TEX11: variants seen among roughly 807,000 people sequenced by gnomAD.
The protein encoded by TEX11 is testis expressed 11, also known as testis-expressed protein 11.
Under a neutral mutation model 84.4 loss-of-function variants are expected in TEX11, and 7 were observed. That is an observed-to-expected ratio of 0.08 (90% CI 0.05 to 0.16). The LOEUF is 0.16. Among genes scored for constraint, TEX11 ranks in the 10% least tolerant of loss-of-function variants. TEX11 has a pLI of 1.00. For synonymous variants in TEX11, 264 were observed against 222.8 expected (o/e 1.18, Z -1.64); for missense variants, 551 against 660.5 (o/e 0.83, Z 1.82).
chrX:70,717,296 T>C (rs1245143582), intron 13 of TEX11, among the ~76,000 whole-genome samples: 1 of 111,451 alleles, frequency 9.0e-6, no homozygotes, highest in African/African-American at 3.3e-5. Flanking sequence ...GCTTAGTCCA[T>C]TACAGAACTT....
intron 7 of TEX11, among the ~76,000 whole-genome samples, chrX:70,836,662 C>T (rs1177997426): frequency 6.3e-5 from 7 of 111,913 alleles, no homozygotes; most frequent in Admixed American, 5.7e-4. Flanking sequence ...AAAAATTGGT[C>T]ACAATACCAA....
chrX:70,587,161 C>A (rs1422494653), intron 25 of TEX11, among the ~76,000 whole-genome samples: 1 of 112,132 alleles, frequency 8.9e-6, no homozygotes, highest in Non-Finnish European at 1.9e-5. Context: ...TTCAGCCTGA[C>A]AATGCAACTG....
At chrX:70,731,036 C>T (rs992591205) in intron 11 of TEX11, among the ~76,000 whole-genome samples, 1 of 111,821 alleles carries the variant, frequency 8.9e-6, no homozygotes, top group East Asian at 2.8e-4. Context: ...AACTGAACAA[C>T]CTGCTCCTGA....
chrX:70,823,032 C>T (rs749325921), intron 8 of TEX11, among the ~76,000 whole-genome samples: 30 of 105,085 alleles, frequency 2.9e-4, no homozygotes, highest in African/African-American at 9.8e-4. Context: ...GGGTGGGGGG[C>T]GGGTGGCGTC....
intron 28 of TEX11, among the ~76,000 whole-genome samples, chrX:70,549,512 C>G (rs140316246): frequency 1.7e-3 from 193 of 111,614 alleles, no homozygotes; most frequent in Middle Eastern, 9.2e-3. Context: ...ATTTCTGTAC[C>G]TGTCCTGGGC....
At chrX:70,818,486 G>A (rs2091301724) in intron 8 of TEX11, among the ~76,000 whole-genome samples, 1 of 110,724 alleles carries the variant, frequency 9.0e-6, no homozygotes, top group African/African-American at 3.3e-5. Context: ...CAAAGTGAAG[G>A]AAAAGGAGAA....
At chrX:70,554,137 G>T (rs1285964255) in intron 26 of TEX11, among the ~76,000 whole-genome samples, 1 of 111,819 alleles carries the variant, frequency 8.9e-6, no homozygotes, top group African/African-American at 3.2e-5. Context: ...TCCCAAAAAG[G>T]CTCTATGCCC....
chrX:70,907,639 G>C, intron 2 of TEX11, 114 bp downstream of exon 2: 1 of 547,597 alleles, frequency 1.8e-6, no homozygotes, highest in Admixed American at 2.8e-5. Flanking sequence ...TGATCCGCCC[G>C]CCTCGGCCTC....
intron 25 of TEX11, among the ~76,000 whole-genome samples, chrX:70,557,424 C>T (rs1175161917): frequency 4.7e-5 from 5 of 107,158 alleles, no homozygotes; most frequent in East Asian, 5.9e-4. Context: ...GAGCTGACAT[C>T]GCACCACTGC....
intron 4 of TEX11, among the ~76,000 whole-genome samples, chrX:70,864,406 C>T (rs2091586363): frequency 9.0e-6 from 1 of 110,827 alleles, no homozygotes; most frequent in African/African-American, 3.3e-5. Flanking sequence ...TCCTACAAGC[C>T]AGAAGACAGT....
intron 9 of TEX11, among the ~76,000 whole-genome samples, chrX:70,751,222 T>C (rs928846149): frequency 3.8e-5 from 4 of 105,997 alleles, no homozygotes; most frequent in African/African-American, 1.4e-4. Context: ...AGCAAAGATA[T>C]GGAACCAACC....
chrX:70,571,372 T>C (rs1358793832), intron 25 of TEX11, among the ~76,000 whole-genome samples: 2 of 112,144 alleles, frequency 1.8e-5, no homozygotes, highest in Non-Finnish European at 1.9e-5. Flanking sequence ...GCTCTTATCT[T>C]TGTTACATTC....
chrX:70,721,511 AC>A (rs759892399), intron 13 of TEX11, among the ~76,000 whole-genome samples: 2 of 112,023 alleles, frequency 1.8e-5, no homozygotes, highest in African/African-American at 3.2e-5. Flanking sequence ...TGGATTTATA[AC>A]AGGTTCAATG....
chrX:70,823,492 GTATATCAA>G (rs1000614539), intron 8 of TEX11, among the ~76,000 whole-genome samples: 4 of 111,038 alleles, frequency 3.6e-5, no homozygotes, highest in African/African-American at 1.3e-4. Flanking sequence ...AAATATGTAT[GTATATCAA>G]AACATCAAGT....
At chrX:70,719,444 C>T (rs906739227) in intron 13 of TEX11, among the ~76,000 whole-genome samples, 1 of 111,720 alleles carries the variant, frequency 9.0e-6, no homozygotes, top group Non-Finnish European at 1.9e-5. Context: ...AAATATGCTT[C>T]ACTGGGCATT....
intron 3 of TEX11, among the ~76,000 whole-genome samples, chrX:70,878,582 T>C (rs943582296): frequency 2.8e-5 from 3 of 107,956 alleles, no homozygotes; most frequent in African/African-American, 1.0e-4. Flanking sequence ...GTAACAAACC[T>C]GCCCGTTGTG....
intron 5 of TEX11, among the ~76,000 whole-genome samples, chrX:70,854,389 T>C (rs1342201535): frequency 9.0e-6 from 1 of 110,562 alleles, no homozygotes; most frequent in African/African-American, 3.3e-5. Context: ...AGTAAAGAGA[T>C]AAACTCCAAA....
chrX:70,719,961 G>T (rs1293386777), intron 13 of TEX11, among the ~76,000 whole-genome samples: 1 of 111,602 alleles, frequency 9.0e-6, no homozygotes, highest in African/African-American at 3.3e-5. Flanking sequence ...AGACAGTGTG[G>T]CAATTCCTCA....
At chrX:70,597,522 A>G (rs1569347562) in intron 24 of TEX11, among the ~76,000 whole-genome samples, 1 of 112,152 alleles carries the variant, frequency 8.9e-6, no homozygotes, top group Non-Finnish European at 1.9e-5. Flanking sequence ...TCAAGGGGAA[A>G]AAACAGTCTT....
Sources: allele counts gnomAD v4.1 joint callset (sites outside exome capture counted in the v4.1 genomes callset), GRCh38; gene constraint gnomAD v4.1.1; transcripts MANE v1.5; gene names NCBI Gene and HGNC (gene_info 2026-07-23, HGNC 2026-07-21).